Variants in ZRANB3 observed in about 807,000 individuals in gnomAD.
The protein encoded by ZRANB3 is zinc finger RANBP2-type containing 3, also known as DNA annealing helicase and endonuclease ZRANB3.
A neutral mutation model predicts 133.8 loss-of-function variants in ZRANB3; 125 were observed. That is an observed-to-expected ratio of 0.93 (90% confidence interval 0.81 to 1.08). The LOEUF (loss-of-function observed/expected upper bound fraction) is 1.08, where lower values mean the gene tolerates loss of function less well. ZRANB3 is among the 50% of genes least tolerant of loss of function. The pLI, the probability that ZRANB3 is intolerant of heterozygous loss-of-function variation, is 0.00. For missense variants in ZRANB3, 1,229 were observed against 1,275.5 expected (o/e 0.96, Z 0.56); for synonymous variants, 387 against 432.7 (o/e 0.89, Z 1.31).
intron 1 of ZRANB3, chr2:135,510,805 A>T: frequency 1.2e-6 from 1 of 832,538 alleles, no homozygotes; most frequent in Non-Finnish European, 2.1e-6. Context: ...ACAAAACCAA[A>T]ACTGGGTAAT....
chr2:135,481,748 G>A (rs1316998930), intron 2 of ZRANB3, among the ~76,000 whole-genome samples: 2 of 150,714 alleles, frequency 1.3e-5, no homozygotes, highest in Non-Finnish European at 2.9e-5. Context: ...TATGGTTTTA[G>A]GTATAACGTT....
At chr2:135,458,287 A>G (rs906363462) in intron 2 of ZRANB3, among the ~76,000 whole-genome samples, 2 of 152,196 alleles carry the variant, frequency 1.3e-5, no homozygotes, top group African/African-American at 2.4e-5. Context: ...TCATTACTAT[A>G]GCTATGTAGT....
intron 2 of ZRANB3, among the ~76,000 whole-genome samples, chr2:135,416,195 A>G (rs1688565026): frequency 6.6e-6 from 1 of 151,704 alleles, no homozygotes; most frequent in Admixed American, 6.6e-5. Flanking sequence ...ACATGATTGT[A>G]TATCTAGAAA....
intron 6 of ZRANB3, among the ~76,000 whole-genome samples, chr2:135,334,891 T>A (rs762820934): frequency 4.6e-5 from 7 of 152,032 alleles, no homozygotes; most frequent in African/African-American, 1.7e-4. Flanking sequence ...CAAGACTCCA[T>A]CTCAAAAATA....
At chr2:135,284,409 A>T (rs1681244459) in intron 8 of ZRANB3, among the ~76,000 whole-genome samples, 1 of 152,092 alleles carries the variant, frequency 6.6e-6, no homozygotes, top group South Asian at 2.1e-4. Context: ...CTTTCAAACC[A>T]CCCCTTGCCC....
intron 17 of ZRANB3, among the ~76,000 whole-genome samples, chr2:135,210,681 C>T (rs1016315879): frequency 1.6e-4 from 24 of 152,136 alleles, no homozygotes; most frequent in Admixed American, 1.3e-3. Context: ...TATCTGTAAT[C>T]CCAGCACTTT....
chr2:135,372,386 T>C (rs1367886130), intron 3 of ZRANB3, among the ~76,000 whole-genome samples: 1 of 152,168 alleles, frequency 6.6e-6, no homozygotes, highest in Non-Finnish European at 1.5e-5. Flanking sequence ...AGGAGTCAGA[T>C]GGGATCAAGA....
At chr2:135,418,423 C>T (rs1227073834) in intron 2 of ZRANB3, among the ~76,000 whole-genome samples, 1 of 152,096 alleles carries the variant, frequency 6.6e-6, no homozygotes, top group South Asian at 2.1e-4. Flanking sequence ...ATAAGAATCA[C>T]AGACTCAAAT....
chr2:135,217,368 G>T (rs570768930), intron 17 of ZRANB3, 97 bp downstream of exon 17: 2 of 1,176,924 alleles, frequency 1.7e-6, no homozygotes, highest in South Asian at 1.8e-5. Flanking sequence ...AACTCATCAG[G>T]ATTTCATTAG....
chr2:135,199,987 C>T lies in ZRANB3; in HGVS notation c.*355G>A. ...ATACCTATGACAGTCCAGAACAATA[C>T]TAATCCAGAAGCATTTTTAGGTAAT... On this transcript the variant is annotated 3_prime_UTR_variant, in exon 21 of 21. Transcript: ENST00000264159. 3.1e-6 allele frequency: 1 copy of T among 323,022 alleles called. No homozygotes were observed. The highest frequency in any genetic ancestry group is 2.7e-5 in the South Asian group (1 of 37,216). 20.0% of individuals were successfully genotyped at this position (323,022 alleles called of 1,614,324 possible).
intron 2 of ZRANB3, among the ~76,000 whole-genome samples, chr2:135,462,585 C>G (rs1690809243): frequency 6.7e-6 from 1 of 149,224 alleles, no homozygotes; most frequent in African/African-American, 2.5e-5. Context: ...CTCCCTCCCT[C>G]TCTCTCTCTT....
At position 135,200,372 on chromosome 2, in the gene ZRANB3, T is replaced by C. The variant is rs1693569468; in HGVS notation, c.3210A>G (p.Ser1070=). Residue 1070 remains serine (S), a synonymous_variant, in exon 21 of 21, where the codon TCA becomes TCG. Transcript: ENST00000264159. ...TCTTTACCAAAAATCGTGTGATGTC[T>C]GATCCATGCTTTGATGCTAGAGATT... ...RRQSLASKHG[S]DITRFLVKK The C allele has an allele frequency of 6.2e-7, 1 of 1,605,774 alleles. No homozygotes were observed. Among genetic ancestry groups the C allele is most frequent in the Non-Finnish European group, 8.5e-7 (1 of 1,175,728 alleles).
At chr2:135,445,903 C>CA (rs1690000301) in intron 2 of ZRANB3, among the ~76,000 whole-genome samples, 3 of 134,776 alleles carry the variant, frequency 2.2e-5, no homozygotes, top group South Asian at 2.4e-4. Flanking sequence ...AAAAGAAAAA[C>CA]AAAAAAAATT....
intron 2 of ZRANB3, among the ~76,000 whole-genome samples, chr2:135,449,240 T>C (rs1317600764): frequency 6.6e-6 from 1 of 152,124 alleles, no homozygotes; most frequent in Admixed American, 6.5e-5. Context: ...GATGACACCA[T>C]CCAATACAAT....
intron 17 of ZRANB3, among the ~76,000 whole-genome samples, chr2:135,213,864 G>A (rs1281229284): frequency 6.6e-6 from 1 of 152,144 alleles, no homozygotes; most frequent in African/African-American, 2.4e-5. Context: ...TGGGCCCAAT[G>A]TAATCACTTG....
chr2:135,414,767 G>C lies in ZRANB3; in HGVS notation c.162-23947C>G, dbSNP rs185762713. On this transcript the variant is annotated intron_variant, in intron 2 of 20. Transcript: ENST00000264159. ...ATAACAAACTCTCTCTCAGACCACAGTGCAATCAAACTAGAACTCAGGATT... is the reference window on the plus strand; with the variant it reads ...ATAACAAACTCTCTCTCAGACCACACTGCAATCAAACTAGAACTCAGGATT... Among the ~76,000 whole-genome samples the C allele has an allele frequency of 9.9e-4, 151 of 152,244 alleles. 1 individual carries two copies. In the East Asian group the frequency reaches 0.019, roughly 19 times the overall value.
At chr2:135,207,237 C>A (rs1212854068) in intron 19 of ZRANB3, among the ~76,000 whole-genome samples, 197 bp downstream of exon 19, 1 of 151,552 alleles carries the variant, frequency 6.6e-6, no homozygotes, top group African/African-American at 2.4e-5. Flanking sequence ...GAGAAACAAA[C>A]AAGTGAGTCA....
At chr2:135,302,400 A>G (rs571939993) in intron 8 of ZRANB3, among the ~76,000 whole-genome samples, 2 of 152,214 alleles carry the variant, frequency 1.3e-5, no homozygotes, top group East Asian at 1.9e-4. Context: ...GCTGCCATTA[A>G]TCTTTGGGAA....
intron 2 of ZRANB3, among the ~76,000 whole-genome samples, chr2:135,458,797 T>C (rs1408404358): frequency 2.0e-5 from 3 of 152,262 alleles, no homozygotes; most frequent in East Asian, 3.9e-4. Context: ...TGTAGGGTGA[T>C]ATGTGCTAAA....
Sources: allele counts gnomAD v4.1 joint callset (sites outside exome capture counted in the v4.1 genomes callset), GRCh38; gene constraint gnomAD v4.1.1; transcripts MANE v1.5; gene names NCBI Gene and HGNC (gene_info 2026-07-23, HGNC 2026-07-21).